Variants in DAB2IP observed in about 807,000 individuals in gnomAD.
DAB2IP encodes the protein DAB2 interacting protein.
In DAB2IP, 28 loss-of-function variants were observed where a neutral mutation model predicts 107.2. The observed-to-expected ratio is 0.26, with a 90% CI of 0.19 to 0.36. DAB2IP has a LOEUF of 0.36. DAB2IP is among the 10% of genes least tolerant of loss of function. The pLI, the probability that DAB2IP is intolerant of heterozygous loss-of-function variation, is 1.00. For missense variants in DAB2IP, 1,400 were observed against 1,644.7 expected, an observed-to-expected ratio of 0.85 and a Z score of 2.57; for synonymous variants, 755 against 706.4, an observed-to-expected ratio of 1.07 and a Z score of -1.09.
At position 121,736,237 on chromosome 9, in the gene DAB2IP, C is replaced by T. The variant is rs1202548284; in HGVS notation, c.363-20776C>T. ...GCCTTGGTTGGGTCTCTGGGCTGCG[C>T]TGGTCTAAGCCCGACGAACCCGGGG... is the stretch of plus-strand genomic sequence containing the variant. On this transcript the variant is annotated intron_variant, in intron 3 of 15. Coordinates refer to ENST00000408936, the Ensembl canonical transcript of DAB2IP. This position sits in a 1 kb window ranked among gnomAD's most constrained non-coding sequence, Gnocchi z 4.6. Among the ~76,000 whole-genome samples the T allele has an allele frequency of 6.6e-6, 1 of 152,214 alleles. No homozygotes were observed. The highest frequency in any genetic ancestry group is 2.4e-5 in the African/African-American group (1 of 41,462).
chr9:121,723,250 G>A lies in DAB2IP; in HGVS notation c.362+23792G>A, dbSNP rs117611298. 1.1e-4 allele frequency among the ~76,000 whole-genome samples: 17 copies of A among 152,378 alleles called. No homozygotes were observed. In the East Asian group the frequency reaches 3.3e-3, roughly 29 times the overall value. On this transcript the variant is annotated intron_variant, in intron 3 of 15. Transcript: ENST00000408936. Reference sequence around the variant, plus strand: ...GCTGCCTCAGCCAGCAGAGAGGGAGGCAACAAGCAGGCTGGCTGGCTGAGG... The same window carrying A: ...GCTGCCTCAGCCAGCAGAGAGGGAGACAACAAGCAGGCTGGCTGGCTGAGG...
At chr9:121,642,300 G>A (rs1413506981) in intron 1 of DAB2IP, among the ~76,000 whole-genome samples, 5 of 150,872 alleles carry the variant, frequency 3.3e-5, no homozygotes, top group Non-Finnish European at 5.9e-5. Context: ...GAGTGCAGTC[G>A]TGCAATCTCA....
At chr9:121,686,362 G>A (rs187041199) in intron 2 of DAB2IP, among the ~76,000 whole-genome samples, 259 of 152,258 alleles carry the variant, frequency 1.7e-3, no homozygotes, top group East Asian at 3.1e-3. Context: ...TCCTCTTCCT[G>A]CCCTGGGGAC....
intron 1 of DAB2IP, among the ~76,000 whole-genome samples, chr9:121,658,681 A>G (rs78190436): frequency 6.6e-6 from 1 of 152,206 alleles, no homozygotes; most frequent in Admixed American, 6.5e-5. Flanking sequence ...GAGAAAAAAA[A>G]GTAGACTCGA....
intron 3 of DAB2IP, among the ~76,000 whole-genome samples, chr9:121,750,314 C>T (rs1300416344): frequency 6.6e-6 from 1 of 152,036 alleles, no homozygotes; most frequent in Non-Finnish European, 1.5e-5. Context: ...GTAGCATTCA[C>T]TTGTGTGCGC....
intron 5 of DAB2IP, 90 bp downstream of exon 5, chr9:121,759,086 C>CT: frequency 7.3e-7 from 1 of 1,362,662 alleles, no homozygotes; most frequent in East Asian, 2.5e-5. Context: ...GTGGTGTGGG[C>CT]TGGGATTGGG....
At chr9:121,704,575 T>G (rs528914329) in intron 3 of DAB2IP, among the ~76,000 whole-genome samples, 1 of 152,228 alleles carries the variant, frequency 6.6e-6, no homozygotes, top group Admixed American at 6.5e-5. Context: ...CCCATGTAGG[T>G]GGATCCTACA....
At chr9:121,688,409 T>A (rs1339470164) in intron 2 of DAB2IP, among the ~76,000 whole-genome samples, 1 of 152,224 alleles carries the variant, frequency 6.6e-6, no homozygotes, top group Admixed American at 6.5e-5. Context: ...GTTACTCCCC[T>A]GCTCCAGCAC....
chr9:121,574,347 G>A (rs889427254), intron 1 of DAB2IP, among the ~76,000 whole-genome samples: 9 of 152,038 alleles, frequency 5.9e-5, no homozygotes, highest in African/African-American at 1.7e-4. Flanking sequence ...CACCAGCCTA[G>A]CCTGCCTGGA....
chr9:121,640,261 G>A (rs1156559811), intron 1 of DAB2IP, among the ~76,000 whole-genome samples: 1 of 152,162 alleles, frequency 6.6e-6, no homozygotes, highest in East Asian at 1.9e-4. Flanking sequence ...TGTGGGCCTG[G>A]GCTGGGTAGT....
intron 1 of DAB2IP, among the ~76,000 whole-genome samples, chr9:121,675,528 G>C (rs1384892271): frequency 6.6e-6 from 1 of 152,152 alleles, no homozygotes; most frequent in African/African-American, 2.4e-5. Context: ...TGAACCCGGG[G>C]GTCTGCCTCT....
intron 1 of DAB2IP, among the ~76,000 whole-genome samples, chr9:121,641,713 T>C (rs1832290612): frequency 6.6e-6 from 1 of 152,160 alleles, no homozygotes; most frequent in South Asian, 2.1e-4. Context: ...CTGCCATCCA[T>C]GTGTCACACC....
intron 1 of DAB2IP, among the ~76,000 whole-genome samples, chr9:121,656,883 G>A (rs2150714): frequency 1.2e-3 from 188 of 152,324 alleles, no homozygotes; most frequent in Non-Finnish European, 2.0e-3. Flanking sequence ...TCCAGGTCCT[G>A]AGATTCACCT....
intron 4 of DAB2IP, 73 bp downstream of exon 4, chr9:121,757,239 T>C: frequency 6.4e-7 from 1 of 1,550,612 alleles, no homozygotes; most frequent in Non-Finnish European, 8.7e-7. Context: ...CCAGACATCC[T>C]CCTGGAGTCC....
intron 1 of DAB2IP, among the ~76,000 whole-genome samples, chr9:121,677,227 A>G (rs1833953924): frequency 6.6e-6 from 1 of 152,188 alleles, no homozygotes; most frequent in South Asian, 2.1e-4. Context: ...TCATGTTTGA[A>G]AAAACGTGGG....
chr9:121,594,737 C>T (rs1160479888), intron 1 of DAB2IP, among the ~76,000 whole-genome samples: 1 of 152,180 alleles, frequency 6.6e-6, no homozygotes, highest in Non-Finnish European at 1.5e-5. Context: ...AGGTTTGCGA[C>T]CTGGAAGAGC....
At chr9:121,781,145 G>C (rs1441860580) in intron 14 of DAB2IP, among the ~76,000 whole-genome samples, 1 of 152,204 alleles carries the variant, frequency 6.6e-6, no homozygotes, top group Non-Finnish European at 1.5e-5. Flanking sequence ...AGCTCTAGGG[G>C]TTTGAAGATC....
At chr9:121,691,171 C>G (rs954976371) in intron 2 of DAB2IP, among the ~76,000 whole-genome samples, 1 of 152,180 alleles carries the variant, frequency 6.6e-6, no homozygotes, top group Non-Finnish European at 1.5e-5. Flanking sequence ...GAGAGAATAC[C>G]TGCCAGGCGT....
chr9:121,776,290 G>T lies in DAB2IP; in HGVS notation c.3213G>T (p.Gln1071His). ...TCAAGTGCCAGGAGGAGACGACGCA[G>T]AAGCTGGTGCTGGAGTACCAGGCAC... The change falls in exon 14 of 16, where the codon CAG becomes CAT. Residue 1071 changes from glutamine to histidine, a missense_variant. By Grantham distance (24) the Gln-to-His change is conservative. This residue lies in a region of DAB2IP where 600 missense variants were observed against 659.1 expected (regional missense o/e 0.91). Coordinates refer to ENST00000408936, the Ensembl canonical transcript of DAB2IP. This position sits in a 1 kb window ranked among gnomAD's most constrained non-coding sequence, Gnocchi z 5.4. 1 of 1,578,744 alleles carries T rather than the reference G, an allele frequency of 6.3e-7. No homozygotes were observed.
Sources: gnomAD v4.1 joint callset for allele counts (sites outside exome capture counted in the v4.1 genomes callset) on GRCh38, gnomAD v4.1.1 for gene constraint, gnomAD v4.1.1 regional missense constraint, Gnocchi (gnomAD v3.1) non-coding constraint, MANE v1.5 for transcripts, NCBI Gene and HGNC (gene_info 2026-07-23, HGNC 2026-07-21) for gene names.